NPSR1: variants seen among roughly 807,000 people sequenced by gnomAD.
NPSR1 encodes neuropeptide S receptor 1.
In NPSR1, 48 loss-of-function variants were observed where a neutral mutation model predicts 46.9. The ratio of observed to expected loss-of-function variants is 1.02; its 90% CI spans 0.81 to 1.30. NPSR1 has a LOEUF of 1.30. NPSR1 is among the 50% of genes most tolerant of loss of function. The pLI is 0.00. For synonymous variants in NPSR1, 176 were observed against 168.1 expected, an observed-to-expected ratio of 1.05 and a Z score of -0.36; for missense variants, 450 against 449.5, an observed-to-expected ratio of 1.00 and a Z score of -0.01.
At chr7:34,736,982 G>A (rs1784707019) in intron 2 of NPSR1, among the ~76,000 whole-genome samples, 1 of 147,744 alleles carries the variant, frequency 6.8e-6, no homozygotes, top group Admixed American at 6.8e-5. Flanking sequence ...GCACTGCCCT[G>A]AACTCTTTCT....
intron 1 of NPSR1, among the ~76,000 whole-genome samples, chr7:34,662,157 C>T (rs1791484175): frequency 6.6e-6 from 1 of 152,114 alleles, no homozygotes; most frequent in African/African-American, 2.4e-5. Context: ...AGCACAGAAA[C>T]ATGAACTAAG....
intron 8 of NPSR1, among the ~76,000 whole-genome samples, chr7:34,855,794 A>G (rs74691277): frequency 0.021 from 3,174 of 152,266 alleles, 103 homozygotes; most frequent in African/African-American, 0.073. Context: ...AGTCCAGCAA[A>G]ATATAACAAG....
rs1251101708 is a variant in NPSR1 at position 34,849,817 on chromosome 7, A to G, written c.*162A>G. On this transcript the variant is annotated 3_prime_UTR_variant, in exon 9 of 9. Coordinates refer to ENST00000360581, the MANE Select transcript of NPSR1 (RefSeq NM_207172.2). ...GTTCTAATGACTGCATGCACTGCTTAAGTATTGGCCAACACGAACTCCCCA... is the reference window on the plus strand; with the variant it reads ...GTTCTAATGACTGCATGCACTGCTTGAGTATTGGCCAACACGAACTCCCCA... 1.4e-6 allele frequency: 2 copies of G among 1,421,318 alleles called. No homozygotes were observed. Among genetic ancestry groups the G allele is most frequent in the African/African-American group, 1.4e-5 (1 of 69,344 alleles). 88.0% of individuals were successfully genotyped at this position (1,421,318 alleles called of 1,614,324 possible).
At chr7:34,842,153 A>C (rs1790586150) in intron 6 of NPSR1, among the ~76,000 whole-genome samples, 1 of 152,228 alleles carries the variant, frequency 6.6e-6, no homozygotes, top group South Asian at 2.1e-4. Flanking sequence ...ATTTTATGTT[A>C]ATCTTCAAAG....
At position 34,873,554 on chromosome 7, in the gene NPSR1, G is replaced by A. The variant is rs1244962062; in HGVS notation, c.1026-4522G>A. On this transcript the variant is annotated intron_variant, in intron 8 of 8. Coordinates refer to the NPSR1 transcript ENST00000359791. ...TGAAAGGTGAAGGAGGAGCCAATGTGTCACATGGTCAGAGCAGGAGCAAGA... is the reference window on the plus strand; with the variant it reads ...TGAAAGGTGAAGGAGGAGCCAATGTATCACATGGTCAGAGCAGGAGCAAGA... Among the ~76,000 whole-genome samples the A allele has an allele frequency of 2.0e-5, 3 of 151,684 alleles. 1 individual carries two copies. Among genetic ancestry groups the A allele is most frequent in the African/African-American group, 7.3e-5 (3 of 40,992 alleles).
At chr7:34,721,528 T>C (rs894919347) in intron 2 of NPSR1, among the ~76,000 whole-genome samples, 2 of 152,162 alleles carry the variant, frequency 1.3e-5, no homozygotes, top group Non-Finnish European at 2.9e-5. Context: ...TTATTCATTC[T>C]CTCAACTAAC....
chr7:34,783,834 C>T (rs570392081), intron 3 of NPSR1, among the ~76,000 whole-genome samples: 1 of 152,020 alleles, frequency 6.6e-6, no homozygotes, highest in East Asian at 1.9e-4. Context: ...AAAAACCTTG[C>T]AGAACAGGAG....
At chr7:34,747,064 G>A (rs1400943517) in intron 2 of NPSR1, among the ~76,000 whole-genome samples, 3 of 149,834 alleles carry the variant, frequency 2.0e-5, no homozygotes, top group Admixed American at 6.7e-5. Context: ...GGTGGAGGTT[G>A]CAGTGAGCCG....
intron 1 of NPSR1, among the ~76,000 whole-genome samples, chr7:34,667,677 A>G (rs963364484): frequency 2.0e-5 from 3 of 152,160 alleles, no homozygotes; most frequent in African/African-American, 7.2e-5. Context: ...TTGGAAAGGA[A>G]TAAGATGCAA....
At chr7:34,781,859 A>G (rs1787245747) in intron 3 of NPSR1, among the ~76,000 whole-genome samples, 2 of 152,188 alleles carry the variant, frequency 1.3e-5, no homozygotes, top group South Asian at 4.1e-4. Flanking sequence ...TCCAAGCCCC[A>G]GTGTTAAACT....
At chr7:34,746,648 A>G (rs1429863769) in intron 2 of NPSR1, among the ~76,000 whole-genome samples, 1 of 152,164 alleles carries the variant, frequency 6.6e-6, no homozygotes, top group Non-Finnish European at 1.5e-5. Context: ...TATTTGGAAA[A>G]CTGTATCATG....
intron 8 of NPSR1, among the ~76,000 whole-genome samples, chr7:34,861,146 T>C (rs749893082): frequency 5.3e-5 from 8 of 151,930 alleles, no homozygotes; most frequent in Non-Finnish European, 1.2e-4. Flanking sequence ...AAAAGCCCAA[T>C]GCCCTACTCA....
intron 3 of NPSR1, among the ~76,000 whole-genome samples, chr7:34,789,481 A>AT (rs78478952): frequency 0.14 from 21,859 of 151,992 alleles, 2,074 homozygotes; most frequent in East Asian, 0.32. Context: ...AAAAAGCATC[A>AT]TAACAAGCGA....
chr7:34,682,230 C>T (rs1247982472), intron 1 of NPSR1, among the ~76,000 whole-genome samples: 3 of 152,172 alleles, frequency 2.0e-5, no homozygotes, highest in East Asian at 3.9e-4. Flanking sequence ...AGGGCTGGCC[C>T]AGAACCTGTG....
At chr7:34,662,990 T>C (rs550840574) in intron 1 of NPSR1, among the ~76,000 whole-genome samples, 1 of 151,944 alleles carries the variant, frequency 6.6e-6, no homozygotes, top group South Asian at 2.1e-4. Context: ...TTTCACATTT[T>C]CTGGCTTCGG....
intron 2 of NPSR1, among the ~76,000 whole-genome samples, chr7:34,706,764 T>C (rs1449396156): frequency 6.6e-6 from 1 of 152,198 alleles, no homozygotes; most frequent in East Asian, 1.9e-4. Flanking sequence ...TTTGAATATA[T>C]ATTCTTTTTC....
intron 2 of NPSR1, among the ~76,000 whole-genome samples, chr7:34,692,126 A>G (rs1298292369): frequency 6.6e-6 from 1 of 152,168 alleles, no homozygotes; most frequent in Non-Finnish European, 1.5e-5. Context: ...TGTCTCCTAA[A>G]AAAACAAAAC....
At chr7:34,862,617 A>G (rs1037309611) in intron 8 of NPSR1, among the ~76,000 whole-genome samples, 2 of 151,776 alleles carry the variant, frequency 1.3e-5, no homozygotes, top group Admixed American at 6.5e-5. Flanking sequence ...TGGGAACATC[A>G]GTGGACAAGT....
At chr7:34,751,404 C>G (rs1365080709) in intron 2 of NPSR1, 2 of 1,031,660 alleles carry the variant, frequency 1.9e-6, no homozygotes, top group Non-Finnish European at 1.5e-6. Flanking sequence ...AGACTTTAAG[C>G]AAGAGTGGAA....
Sources: gnomAD v4.1 joint callset for allele counts (sites outside exome capture counted in the v4.1 genomes callset) on GRCh38, gnomAD v4.1.1 for gene constraint, MANE v1.5 for transcripts, NCBI Gene and HGNC (gene_info 2026-07-23, HGNC 2026-07-21) for gene names.